The following INIP variants were observed in gnomAD, a reference collection of about 807,000 sequenced individuals.
INIP encodes the protein SOSS complex subunit C.
In INIP, 9 loss-of-function variants were observed where a neutral mutation model predicts 14.0. The observed-to-expected ratio is 0.64, with a 90% CI of 0.39 to 1.12. The LOEUF is 1.12. Ranked by LOEUF, INIP falls within the 50% of genes most tolerant of loss-of-function variation. The pLI is 0.01. For synonymous variants in INIP, 37 were observed against 41.5 expected (o/e 0.89, Z 0.41); for missense variants, 78 against 122.7 (o/e 0.64, Z 1.72).
In INIP at chr9:112,684,178, G is replaced by A. The variant is rs1460994482; in HGVS notation, c.*3360C>T. On this transcript the variant is annotated 3_prime_UTR_variant, in exon 5 of 5. Transcript: ENST00000374242. ...AAAGAGGAAGAAAGGAAAGGAGGAA[G>A]AGAAAGAAATAAACAAAAATTCTTG... The A allele has an allele frequency of 6.6e-6, 1 of 152,176 alleles. No homozygotes were observed. Among genetic ancestry groups the A allele is most frequent in the Non-Finnish European group, 1.5e-5 (1 of 68,034 alleles). The allele number at this position is 152,176 out of a possible 1,614,324, so 9.4% of individuals were successfully genotyped here. A position where few individuals can be genotyped will look rare whatever the true frequency, so the allele number is the denominator to read the frequency against.
chr9:112,701,066 C>T (rs377535969), intron 2 of INIP, among the ~76,000 whole-genome samples: 81 of 152,260 alleles, frequency 5.3e-4, no homozygotes, highest in African/African-American at 1.7e-3. Flanking sequence ...TGGCTCATGC[C>T]TGTAATCCTA....
chr9:112,689,469 C>T (rs2131280071), intron 4 of INIP, 58 bp downstream of exon 4: 22 of 1,302,262 alleles, frequency 1.7e-5, no homozygotes, highest in South Asian at 2.4e-5. Flanking sequence ...AACTATGTGC[C>T]GGCTTCTGAG....
At chr9:112,709,006 G>A (rs770209988) in intron 2 of INIP, among the ~76,000 whole-genome samples, 15 of 151,880 alleles carry the variant, frequency 9.9e-5, no homozygotes, top group Non-Finnish European at 2.1e-4. Context: ...CCAAAAATAC[G>A]TAACAAAGAA....
In INIP at chr9:112,687,249, G is replaced by A. The variant is rs1036357475; in HGVS notation, c.*289C>T. 8 of 242,476 alleles carry A rather than the reference G, an allele frequency of 3.3e-5. No individual in the cohort carries two copies. The highest frequency in any genetic ancestry group is 1.8e-4 in the African/African-American group (8 of 44,932). 15.0% of individuals were successfully genotyped at this position (242,476 alleles called of 1,614,324 possible). On this transcript the variant is annotated 3_prime_UTR_variant, in exon 5 of 5. Transcript: ENST00000374242. Reference sequence around the variant, plus strand: ...TTCAGTCAAACTTGCTAGGAGTTGGGGAATGACTTCGTGACCATCCAGTTC... The same window carrying A: ...TTCAGTCAAACTTGCTAGGAGTTGGAGAATGACTTCGTGACCATCCAGTTC...
intron 2 of INIP, among the ~76,000 whole-genome samples, chr9:112,706,924 T>C (rs915241065): frequency 1.8e-4 from 27 of 152,088 alleles, no homozygotes; most frequent in African/African-American, 6.5e-4. Context: ...TATTTATTTA[T>C]TTTTGAGATG....
intron 2 of INIP, among the ~76,000 whole-genome samples, chr9:112,710,099 A>G (rs1838599614): frequency 1.3e-5 from 2 of 152,240 alleles, no homozygotes; most frequent in East Asian, 3.8e-4. Context: ...ACTTTAGTAT[A>G]AACGTGAAGA....
intron 2 of INIP, among the ~76,000 whole-genome samples, chr9:112,704,265 A>G (rs1213015536): frequency 6.6e-6 from 1 of 152,214 alleles, no homozygotes; most frequent in Non-Finnish European, 1.5e-5. Flanking sequence ...GACCGAGTAG[A>G]CATTGTGAGT....
intron 2 of INIP, among the ~76,000 whole-genome samples, chr9:112,713,535 A>T (rs1164960269): frequency 1.3e-5 from 2 of 152,146 alleles, no homozygotes; most frequent in Non-Finnish European, 2.9e-5. Flanking sequence ...TCTACAAAAA[A>T]TAAAAACATT....
At chr9:112,695,794 GGGAGGA>G (rs138360534) in intron 2 of INIP, among the ~76,000 whole-genome samples, 2,198 of 142,666 alleles carry the variant, frequency 0.015, 63 homozygotes, top group African/African-American at 0.051. Flanking sequence ...GAGGGGGAGG[GGGAGGA>G]GGAGGAGGAG....
rs1837676236 is a variant in INIP at position 112,686,588 on chromosome 9, C to T, written c.*950G>A. On this transcript the variant is annotated 3_prime_UTR_variant, in exon 5 of 5. Transcript: ENST00000374242. ...CTCAGCTCACTGCAACCCCTGCCTC[C>T]CAGGTTCAAGCGATTCTCCTGCCTC... The T allele has an allele frequency of 6.6e-6, 1 of 152,266 alleles. No homozygotes were observed. The highest frequency in any genetic ancestry group is 2.4e-5 in the African/African-American group (1 of 41,442). The allele number at this position is 152,266 out of a possible 1,614,324, so 9.4% of individuals were successfully genotyped here. A position where few individuals can be genotyped will look rare whatever the true frequency, so the allele number is the denominator to read the frequency against.
intron 2 of INIP, among the ~76,000 whole-genome samples, chr9:112,711,357 G>A (rs148266877): frequency 2.6e-5 from 4 of 152,236 alleles, no homozygotes; most frequent in African/African-American, 9.6e-5. Context: ...AAGCCAAAGG[G>A]CTAATCTAAA....
intron 2 of INIP, among the ~76,000 whole-genome samples, chr9:112,695,901 G>A (rs538386757): frequency 6.6e-6 from 1 of 151,884 alleles, no homozygotes; most frequent in African/African-American, 2.4e-5. Context: ...ATGCCAGAAT[G>A]TATTAAGCCA....
At position 112,686,016 on chromosome 9, in the gene INIP, G is replaced by C. The variant is rs760817805; in HGVS notation, c.*1522C>G. The C allele has an allele frequency of 1.3e-5, 2 of 152,102 alleles. No individual in the cohort carries two copies. The highest frequency in any genetic ancestry group is 1.3e-4 in the Admixed American group (2 of 15,264). The allele number at this position is 152,102 out of a possible 1,614,324, so 9.4% of individuals were successfully genotyped here. A position where few individuals can be genotyped will look rare whatever the true frequency, so the allele number is the denominator to read the frequency against. ...GTTTGAAAACATCTAAGGAAGAAAG[G>C]GGGGAACAAACTCTCTGAAAAGAAA... On this transcript the variant is annotated 3_prime_UTR_variant, in exon 5 of 5. Coordinates refer to ENST00000374242, the MANE Select transcript of INIP (RefSeq NM_021218.3).
At chr9:112,699,219 A>G (rs1377626890) in intron 2 of INIP, among the ~76,000 whole-genome samples, 2 of 151,938 alleles carry the variant, frequency 1.3e-5, no homozygotes. Flanking sequence ...GTGACTCAGG[A>G]GGCTGAGGCA....
intron 2 of INIP, among the ~76,000 whole-genome samples, chr9:112,702,087 C>A (rs1398538674): frequency 6.6e-6 from 1 of 152,012 alleles, no homozygotes. Flanking sequence ...CACATACACA[C>A]ACACACACAC....
chr9:112,699,929 G>A (rs1339820478), intron 2 of INIP, among the ~76,000 whole-genome samples: 2 of 152,090 alleles, frequency 1.3e-5, no homozygotes, highest in Non-Finnish European at 2.9e-5. Flanking sequence ...GACACCCCAG[G>A]CCAACAAATA....
At chr9:112,717,208 TG>T in intron 1 of INIP, among the ~76,000 whole-genome samples, 1 of 152,318 alleles carries the variant, frequency 6.6e-6, no homozygotes, top group South Asian at 2.1e-4. Flanking sequence ...TCATCTATGG[TG>T]TCTCTGCATT....
At position 112,686,253 on chromosome 9, in the gene INIP, A is replaced by G. The variant is rs986986998; in HGVS notation, c.*1285T>C. ...AATGACCTCTAAGTTTCAGGGATCT[A>G]CAAACCCATGCGTGTATAAATATAT... On this transcript the variant is annotated 3_prime_UTR_variant, in exon 5 of 5. Coordinates refer to ENST00000374242, the MANE Select transcript of INIP (RefSeq NM_021218.3). 8 of 152,218 alleles carry G rather than the reference A, an allele frequency of 5.3e-5. No homozygotes were observed. Among genetic ancestry groups the G allele is most frequent in the African/African-American group, 1.7e-4 (7 of 41,460 alleles). 9.4% of individuals were successfully genotyped at this position (152,218 alleles called of 1,614,324 possible). A position where few individuals can be genotyped will look rare whatever the true frequency, so the allele number is the denominator to read the frequency against.
At chr9:112,699,628 A>G (rs998286892) in intron 2 of INIP, among the ~76,000 whole-genome samples, 1 of 152,190 alleles carries the variant, frequency 6.6e-6, no homozygotes, top group Non-Finnish European at 1.5e-5. Flanking sequence ...TAAAGAATTC[A>G]GTACCATCTG....
Sources: gnomAD v4.1 joint callset for allele counts (sites outside exome capture counted in the v4.1 genomes callset) on GRCh38, gnomAD v4.1.1 for gene constraint, MANE v1.5 for transcripts, NCBI Gene and HGNC (gene_info 2026-07-23, HGNC 2026-07-21) for gene names.